The following BRI3 variants were observed in gnomAD, a reference collection of about 807,000 sequenced individuals.
BRI3 encodes brain protein I3.
Under a neutral mutation model 12.8 loss-of-function variants are expected in BRI3, and 6 were observed. The ratio of observed to expected loss-of-function variants is 0.47; its 90% CI spans 0.26 to 0.93. The LOEUF (loss-of-function observed/expected upper bound fraction) is 0.93. Ranked by LOEUF, BRI3 falls within the 40% of genes least tolerant of loss-of-function variation. The probability of loss-of-function intolerance (pLI) is 0.15; values close to 1 mark genes in which losing one functional copy is unlikely to be tolerated. For synonymous variants in BRI3, 91 were observed against 76.1 expected (o/e 1.20, Z -1.02); for missense variants, 134 against 171.1 (o/e 0.78, Z 1.21).
intron 2 of BRI3, among the ~76,000 whole-genome samples, chr7:98,285,251 C>T (rs537470025): frequency 2.4e-4 from 36 of 152,246 alleles, no homozygotes; most frequent in Non-Finnish European, 4.6e-4. Flanking sequence ...GAGGCTGCCA[C>T]GGCCCTTGGG....
the BRI3 span, chr7:98,319,949 G>A: frequency 1.1e-6 from 1 of 875,670 alleles, no homozygotes; most frequent in Non-Finnish European, 1.8e-6. Flanking sequence ...CATCAACACG[G>A]AGCTTCTCTC....
At chr7:98,301,662 G>GGT (rs140880740), upstream of BRI3, among the ~76,000 whole-genome samples, 30 of 151,498 alleles carry the variant, frequency 2.0e-4, no homozygotes, top group Admixed American at 7.2e-4. Flanking sequence ...TGAAGATGAT[G>GGT]GTGTGTGTGT....
At chr7:98,304,402 G>A (rs749546944), upstream of BRI3, 13 of 1,611,492 alleles carry the variant, frequency 8.1e-6, no homozygotes, top group Middle Eastern at 1.7e-4. Flanking sequence ...GACACAGCAC[G>A]TGTTAGATAA....
chr7:98,298,872 T>C (rs1800299071), intron 1 of BRI3, among the ~76,000 whole-genome samples: 1 of 151,818 alleles, frequency 6.6e-6, no homozygotes, highest in South Asian at 2.1e-4. Flanking sequence ...AGACAGGTCT[T>C]GCTCTGTCAC....
intron 1 of BRI3, among the ~76,000 whole-genome samples, 158 bp downstream of exon 1, chr7:98,282,095 C>T (rs1014271682): frequency 3.9e-5 from 6 of 152,074 alleles, no homozygotes; most frequent in Non-Finnish European, 5.9e-5. Context: ...GAGGGCCAGC[C>T]TCCCCCCCGG....
At position 98,282,204 on chromosome 7, in the gene BRI3, G is replaced by T. The variant is rs1584384709; in HGVS notation, c.143-147G>T. The T allele has an allele frequency of 5.9e-6, 5 of 840,980 alleles. No homozygotes were observed. The East Asian group carries it at 1.1e-4, about 18-fold the overall frequency. 52.1% of individuals were successfully genotyped at this position (840,980 alleles called of 1,614,324 possible). On this transcript the variant is annotated intron_variant, in intron 1 of 2. Coordinates refer to ENST00000297290, the MANE Select transcript of BRI3 (RefSeq NM_015379.5). ...CGCTCGCTGTTGGCAGATTAGCGCC[G>T]AATCAGGCCCGCGGTGGCCGTCCCG...
chr7:98,299,108 C>A (rs532818275), intron 1 of BRI3, among the ~76,000 whole-genome samples: 1 of 152,072 alleles, frequency 6.6e-6, no homozygotes, highest in Non-Finnish European at 1.5e-5. Context: ...CTCTGCCTCC[C>A]GGGTTCAACT....
chr7:98,311,509 C>G (rs1800867644), downstream of BRI3, among the ~76,000 whole-genome samples: 1 of 151,448 alleles, frequency 6.6e-6, no homozygotes, highest in Non-Finnish European at 1.5e-5. Flanking sequence ...CCATTGCACT[C>G]CAGCCTGAGT....
At chr7:98,296,623 G>A (rs1425652451), downstream of BRI3, among the ~76,000 whole-genome samples, 1 of 152,060 alleles carries the variant, frequency 6.6e-6, no homozygotes, top group Non-Finnish European at 1.5e-5. Flanking sequence ...GACTCCATCT[G>A]TAAAAAACAA....
upstream of BRI3, chr7:98,304,285 T>C (rs745836243): frequency 3.1e-6 from 5 of 1,613,544 alleles, no homozygotes; most frequent in Admixed American, 1.7e-5. Context: ...GCTGCCCCCA[T>C]GGACAAGCAT....
intron 2 of BRI3, among the ~76,000 whole-genome samples, chr7:98,290,643 C>T (rs570110433): frequency 5.3e-5 from 8 of 152,298 alleles, no homozygotes; most frequent in African/African-American, 1.9e-4. Flanking sequence ...GGACTACAGG[C>T]ATGTGCCACC....
chr7:98,284,539 G>C (rs1799646882), intron 2 of BRI3, among the ~76,000 whole-genome samples: 1 of 152,216 alleles, frequency 6.6e-6, no homozygotes, highest in Non-Finnish European at 1.5e-5. Flanking sequence ...CCGCTGCCTG[G>C]CGTCTTGGCC....
At chr7:98,318,711 G>A in the BRI3 span, among the ~76,000 whole-genome samples, 4 of 151,690 alleles carry the variant, frequency 2.6e-5, no homozygotes, top group African/African-American at 4.8e-5. Context: ...TTAGGAGGCC[G>A]AGGCAGGTGC....
At position 98,282,529 on chromosome 7, in the gene BRI3, C is replaced by T. The variant is rs1799561159; in HGVS notation, c.245+76C>T. 7.2e-6 allele frequency: 9 copies of T among 1,254,926 alleles called. No individual in the cohort carries two copies. The Admixed American group carries it at 1.3e-4, about 18-fold the overall frequency. 77.7% of individuals were successfully genotyped at this position (1,254,926 alleles called of 1,614,324 possible). On this transcript the variant is annotated intron_variant, in intron 2 of 2. Transcript: ENST00000297290. ...CGCCCTAACCCCCAGGACCTCACAG[C>T]TCTGCTTGTGGGAGTGGGTCCGGCT...
At chr7:98,305,321 TAA>T (rs10708312), upstream of BRI3, among the ~76,000 whole-genome samples, 153 of 148,042 alleles carry the variant, frequency 1.0e-3, no homozygotes, top group Non-Finnish European at 1.0e-3. Flanking sequence ...AGCTAAGAGT[TAA>T]AAAAAAAAAA....
the BRI3 span, among the ~76,000 whole-genome samples, chr7:98,316,492 C>T: frequency 6.6e-6 from 1 of 152,188 alleles, no homozygotes; most frequent in African/African-American, 2.4e-5. Context: ...GGAAACTCTA[C>T]AGCCTTCAGC....
intron 2 of BRI3, among the ~76,000 whole-genome samples, chr7:98,289,315 T>C (rs897641716): frequency 3.3e-5 from 5 of 152,244 alleles, no homozygotes; most frequent in Non-Finnish European, 5.9e-5. Flanking sequence ...TATTTTTCCA[T>C]AATCCCCGGA....
At chr7:98,316,278 T>C in the BRI3 span, among the ~76,000 whole-genome samples, 3 of 152,290 alleles carry the variant, frequency 2.0e-5, no homozygotes, top group Middle Eastern at 3.4e-3. Flanking sequence ...TCTCTTTCTT[T>C]TGTAAATTGC....
At chr7:98,304,090 T>C, upstream of BRI3, 35 of 1,217,136 alleles carry the variant, frequency 2.9e-5, no homozygotes, top group Non-Finnish European at 3.6e-5. Context: ...GACACCACTC[T>C]CCCCCTGGGG....
Sources: gnomAD v4.1 joint callset for allele counts (sites outside exome capture counted in the v4.1 genomes callset) on GRCh38, gnomAD v4.1.1 for gene constraint, MANE v1.5 for transcripts, NCBI Gene and HGNC (gene_info 2026-07-23, HGNC 2026-07-21) for gene names.